ZNF692: variants seen among roughly 807,000 people sequenced by gnomAD.
ZNF692 encodes the protein zinc finger protein 692.
ZNF692 carries 41 observed loss-of-function variants against 49.0 expected under a neutral mutation model. The ratio of observed to expected loss-of-function variants is 0.84; its 90% CI spans 0.65 to 1.08. The LOEUF (loss-of-function observed/expected upper bound fraction) is 1.08. ZNF692 is among the 50% of genes least tolerant of loss of function. The pLI, the probability that ZNF692 is intolerant of heterozygous loss-of-function variation, is 0.00. For missense variants in ZNF692, 662 were observed against 662.2 expected, an observed-to-expected ratio of 1.00 and a Z score of 0.00; for synonymous variants, 288 against 251.5, an observed-to-expected ratio of 1.15 and a Z score of -1.37.
Position 248,857,403 on chromosome 1 carries a change from C to G in ZNF692, c.306G>C (p.Gly102=), listed in dbSNP as rs1660367299. 6.2e-7 allele frequency: 1 copy of G among 1,614,164 alleles called. No individual in the cohort carries two copies. The highest frequency in any genetic ancestry group is 8.5e-7 in the Non-Finnish European group (1 of 1,180,028). Residue 102 remains glycine (G), a synonymous_variant, in exon 4 of 12, where the codon GGG becomes GGC. Transcript: ENST00000306601. ...CAAGCCCCCCATCTTGGCCGCCAGG[C>G]CCCCGAAGCCCGGGCACCAGGCTGC... ...RECSLVPGLR[G]PGGQDGGLVW...
chr1:248,850,851 A>G, intron 10 of ZNF692, 70 bp from the exon 11 acceptor site: 1 of 1,248,560 alleles, frequency 8.0e-7, no homozygotes, highest in East Asian at 2.9e-5. Context: ...CACCCCACCC[A>G]CTGTCCCTCA....
intron 10 of ZNF692, among the ~76,000 whole-genome samples, chr1:248,852,181 G>C (rs1659677620): frequency 6.6e-6 from 1 of 152,118 alleles, no homozygotes; most frequent in African/African-American, 2.4e-5. Context: ...TCCCTCATCA[G>C]TTCACTTTTC....
At position 248,858,439 on chromosome 1, in the gene ZNF692, T is replaced by A; in HGVS notation, c.-12-118A>T. ...AGTGAACTGGGGCAAGACTAAACTA[T>A]TTCAATAGCAGTGGCAGGTGTGGAG... On this transcript the variant is annotated intron_variant, in intron 1 of 11. Transcript: ENST00000306601. The surrounding 1 kb of genome is among the most constrained non-coding windows in gnomAD (Gnocchi z 4.3). 2 of 1,551,266 alleles carry A rather than the reference T, an allele frequency of 1.3e-6. No individual in the cohort carries two copies. The highest frequency in any genetic ancestry group is 1.7e-6 in the Non-Finnish European group (2 of 1,146,654).
chr1:248,855,632 A>C lies in ZNF692; in HGVS notation c.885T>G (p.Thr295=), dbSNP rs1209994800. 2 of 1,614,176 alleles carry C rather than the reference A, an allele frequency of 1.2e-6. No individual in the cohort carries two copies. Among genetic ancestry groups the C allele is most frequent in the Non-Finnish European group, 1.7e-6 (2 of 1,180,030 alleles). ...AAQQTEALAS[T]GSQAQSAPTP... is the part of the protein sequence containing the mutation. ...TTGGAGCAGACTGGGCCTGACTCCC[A>C]GTGCTACGGGCAGCAAAGAGGGAGC... Residue 295 remains threonine, a synonymous_variant, in exon 8 of 12, where the codon ACT becomes ACG. Transcript: ENST00000306601.
intron 9 of ZNF692, 46 bp downstream of exon 9, chr1:248,855,334 T>C (rs1660096072): frequency 6.3e-7 from 1 of 1,596,606 alleles, no homozygotes; most frequent in Non-Finnish European, 8.6e-7. Flanking sequence ...TTTTAGCCCT[T>C]TCCCCCACCC....
chr1:248,857,758 G>A, intron 3 of ZNF692, 70 bp downstream of exon 3: 3 of 1,580,674 alleles, frequency 1.9e-6, no homozygotes, highest in Non-Finnish European at 1.7e-6. Context: ...CCTTTGAAAG[G>A]AGGGTGTTTC....
chr1:248,850,749 G>A lies in ZNF692; in HGVS notation c.1186C>T (p.Arg396Trp), dbSNP rs779734643. The change falls in exon 11 of 12, where the codon CGG becomes TGG. Residue 396 changes from arginine (R) to tryptophan (W), a missense_variant. Physicochemically the swap from Arg to Trp is moderately radical, Grantham distance 101. Transcript: ENST00000306601. ...TRDYICEFCA[R>W]SFRTSSNLVI... ...AGGTTGCTGCTAGTGCGGAAAGACCGGGCGCAGAACTCACAGATGTAGTCC... is the reference window on the plus strand; with the variant it reads ...AGGTTGCTGCTAGTGCGGAAAGACCAGGCGCAGAACTCACAGATGTAGTCC... 19 of 1,613,964 alleles carry A rather than the reference G, an allele frequency of 1.2e-5. No homozygotes were observed. The highest frequency in any genetic ancestry group is 4.5e-5 in the East Asian group (2 of 44,882).
intron 10 of ZNF692, among the ~76,000 whole-genome samples, chr1:248,853,720 A>C (rs2103049523): frequency 6.6e-6 from 1 of 152,318 alleles, no homozygotes. Flanking sequence ...TGCTGTACCC[A>C]GTACCCAAAA....
chr1:248,855,303 G>C, intron 9 of ZNF692, 77 bp downstream of exon 9: 1 of 1,448,668 alleles, frequency 6.9e-7, no homozygotes, highest in South Asian at 1.2e-5. Flanking sequence ...CATGCCTTAA[G>C]ATCCTTTTCC....
chr1:248,857,156 G>A (rs952933922), intron 4 of ZNF692, 78 bp downstream of exon 4: 4 of 1,398,046 alleles, frequency 2.9e-6, no homozygotes, highest in African/African-American at 2.9e-5. Flanking sequence ...CATTTTTAGA[G>A]AACAGGGTTC....
At position 248,857,334 on chromosome 1, in the gene ZNF692, A is replaced by AGAGGGTCC; in HGVS notation, c.367_374dup (p.Leu126AspfsTer4). 6.2e-7 allele frequency: 1 copy of AGAGGGTCC among 1,614,044 alleles called. No homozygotes were observed. The highest frequency in any genetic ancestry group is 1.1e-5 in the South Asian group (1 of 91,068). ...GTGCCTCTGAAGGTGTAGGGCTCAA[A>AGAGGGTCC]GAGGGTCCCCAGGAGAAGGTATGGC... is the stretch of plus-strand genomic sequence containing the variant. On this transcript the variant is annotated frameshift_variant, in exon 4 of 12. Transcript: ENST00000306601. LOFTEE classifies it high-confidence loss of function.
Position 248,850,439 on chromosome 1 carries a change from G to A in ZNF692, c.1331C>T (p.Ala444Val), listed in dbSNP as rs765419046. The A allele has an allele frequency of 1.9e-6, 3 of 1,613,962 alleles. No homozygotes were observed. The highest frequency in any genetic ancestry group is 2.5e-6 in the Non-Finnish European group (3 of 1,179,978). The change falls in exon 12 of 12, where the codon GCT (alanine) becomes GTT (valine). Residue 444 changes from alanine to valine, a missense_variant. Coordinates refer to ENST00000306601, the MANE Select transcript of ZNF692 (RefSeq NM_017865.4). ...WHQRKHAETV[A>V]ALRFPCEFCG... ...GAATTCACAGGGGAAGCGCAAGGCA[G>A]CCACCGTCTCTGCATGCTTGCGCTG...
chr1:248,852,919 C>A (rs1244109853), intron 10 of ZNF692, among the ~76,000 whole-genome samples: 3 of 152,276 alleles, frequency 2.0e-5, no homozygotes, highest in African/African-American at 7.2e-5. Context: ...ATGACCCACA[C>A]ATTTATATTT....
At position 248,850,046 on chromosome 1, in the gene ZNF692, AAAGT is replaced by A. The variant is rs1216238647; in HGVS notation, c.*160_*163del. On this transcript the variant is annotated 3_prime_UTR_variant, in exon 12 of 12. Coordinates refer to ENST00000306601, the MANE Select transcript of ZNF692 (RefSeq NM_017865.4). ...GTTTATTTTGTCCTTTAGGAAGACTAAAGTAGTCCAGCTCCCCTACAGCCCAGTC... is the reference window on the plus strand; with the variant it reads ...GTTTATTTTGTCCTTTAGGAAGACTAAGTCCAGCTCCCCTACAGCCCAGTC... 2 of 659,874 alleles carry A rather than the reference AAAGT, an allele frequency of 3.0e-6. No homozygotes were observed. Among genetic ancestry groups the A allele is most frequent in the African/African-American group, 3.6e-5 (2 of 55,090 alleles). 40.9% of individuals were successfully genotyped at this position (659,874 alleles called of 1,614,324 possible).
chr1:248,853,838 G>A (rs1330291006), intron 10 of ZNF692, 99 bp downstream of exon 10: 40 of 860,398 alleles, frequency 4.6e-5, no homozygotes, highest in East Asian at 2.6e-4. Flanking sequence ...ACAGGACCCC[G>A]TAGAGGGGGA....
intron 9 of ZNF692, among the ~76,000 whole-genome samples, 192 bp downstream of exon 9, chr1:248,855,188 C>T (rs1016056050): frequency 6.6e-6 from 1 of 152,218 alleles, no homozygotes; most frequent in Non-Finnish European, 1.5e-5. Flanking sequence ...ACCTTTCTGT[C>T]TGCAAAGTGG....
chr1:248,858,295 C>A lies in ZNF692; in HGVS notation c.15G>T (p.Pro5=), dbSNP rs1195557831. 1.3e-6 allele frequency: 2 copies of A among 1,567,480 alleles called. No homozygotes were observed. The highest frequency in any genetic ancestry group is 2.7e-5 in the African/African-American group (2 of 74,116). MASS[P]AVDVSCRRRE... ...GCCGCCTGCAGGACACGTCCACCGCCGGGGAGGAAGCCATGTGCACCAGAG... is the reference window on the plus strand; with the variant it reads ...GCCGCCTGCAGGACACGTCCACCGCAGGGGAGGAAGCCATGTGCACCAGAG... The change falls in exon 2 of 12, where the codon CCG becomes CCT. Residue 5 remains proline (P), a synonymous_variant. Transcript: ENST00000306601. The surrounding 1 kb of genome is among the most constrained non-coding windows in gnomAD (Gnocchi z 4.3).
intron 4 of ZNF692, among the ~76,000 whole-genome samples, chr1:248,857,002 C>A (rs1271822606): frequency 6.6e-6 from 1 of 151,998 alleles, no homozygotes. Context: ...CTTACACATA[C>A]ACACACACAC....
In ZNF692 at chr1:248,850,187, C is replaced by A. The variant is rs1288557148; in HGVS notation, c.*23G>T. 6.6e-7 allele frequency: 1 copy of A among 1,509,500 alleles called. No homozygotes were observed. The highest frequency in any genetic ancestry group is 8.9e-7 in the Non-Finnish European group (1 of 1,129,226). 93.5% of individuals were successfully genotyped at this position (1,509,500 alleles called of 1,614,324 possible). A position where few individuals can be genotyped will look rare whatever the true frequency, so the allele number is the denominator to read the frequency against. On this transcript the variant is annotated 3_prime_UTR_variant, in exon 12 of 12. Coordinates refer to ENST00000306601, the MANE Select transcript of ZNF692 (RefSeq NM_017865.4). ...TTTCAGTCCCTGGAGTCTGGCTTCC[C>A]AAAGCCAAAGCTGGAGGAGAGCTCA...
Sources: allele counts gnomAD v4.1 joint callset (sites outside exome capture counted in the v4.1 genomes callset), GRCh38; gene constraint gnomAD v4.1.1; non-coding constraint Gnocchi (gnomAD v3.1); transcripts MANE v1.5; gene names NCBI Gene and HGNC (gene_info 2026-07-23, HGNC 2026-07-21).